Variants in DNAH12 observed in about 807,000 individuals in gnomAD.
DNAH12 encodes the protein axonemal beta dynein heavy chain 12.
DNAH12 carries 285 observed loss-of-function variants against 371.5 expected under a neutral mutation model. That is an observed-to-expected ratio of 0.77 (90% CI 0.70 to 0.85). The LOEUF is 0.85. DNAH12 is among the 40% of genes least tolerant of loss of function. DNAH12 has a pLI of 0.00. For synonymous variants in DNAH12, 1,200 were observed against 1,213.0 expected, an observed-to-expected ratio of 0.99 and a Z score of 0.22; for missense variants, 3,611 against 3,689.4, an observed-to-expected ratio of 0.98 and a Z score of 0.55.
At chr3:57,551,792 A>C in the DNAH12 span, among the ~76,000 whole-genome samples, 5 of 152,116 alleles carry the variant, frequency 3.3e-5, no homozygotes, top group Non-Finnish European at 5.9e-5. Context: ...TATCATATGA[A>C]ACAAGACATC....
chr3:57,551,421 A>G, the DNAH12 span, among the ~76,000 whole-genome samples: 19 of 151,318 alleles, frequency 1.3e-4, no homozygotes, highest in East Asian at 7.8e-4. Context: ...ACAGGCACCC[A>G]CGACCACGCC....
chr3:57,401,740 C>A, intron 43 of DNAH12, among the ~76,000 whole-genome samples: 3 of 149,090 alleles, frequency 2.0e-5, no homozygotes, highest in African/African-American at 4.9e-5. Flanking sequence ...AATAGAAGAT[C>A]AATACAAAAA....
rs758146112 is a variant in DNAH12 at position 57,293,755 on chromosome 3, T to C, written c.*26A>G. On this transcript the variant is annotated 3_prime_UTR_variant, in exon 74 of 74. Coordinates refer to ENST00000495027, the MANE Select transcript of DNAH12 (RefSeq NM_001366028.2). ...GACAGGTTTTTTTTTTTTTAAACTT[T>C]TGGATGTTTTATAAATTTGTCCAAT... 6.5e-7 allele frequency: 1 copy of C among 1,538,872 alleles called. No individual in the cohort carries two copies. The highest frequency in any genetic ancestry group is 8.7e-7 in the Non-Finnish European group (1 of 1,143,276).
At chr3:57,482,696 G>A (rs1410511379) in intron 13 of DNAH12, among the ~76,000 whole-genome samples, 1 of 151,982 alleles carries the variant, frequency 6.6e-6, no homozygotes, top group East Asian at 1.9e-4. Context: ...TGATAGACTG[G>A]ATTAAGAAAA....
Position 57,377,019 on chromosome 3 carries a change from G to A in DNAH12, c.8427C>T (p.Ala2809=), listed in dbSNP as rs1338269754. 4.6e-5 allele frequency: 7 copies of A among 152,138 alleles called. No individual in the cohort carries two copies. The East Asian group carries it at 1.3e-3, about 29-fold the overall frequency. 9.4% of individuals were successfully genotyped at this position (152,138 alleles called of 1,614,324 possible). A position where few individuals can be genotyped will look rare whatever the true frequency, so the allele number is the denominator to read the frequency against. The change falls in exon 53 of 74, where the codon GCC becomes GCT. Residue 2809 remains alanine, a synonymous_variant. Transcript: ENST00000495027. The stretch of plus-strand genomic sequence containing the variant: ...CACCCAGTCCTCCAATTAATTGTGA[G>A]GCTCTTTCAAGCTTCTTAGCACAGA... The part of the protein sequence containing the change: ...VELCAKKLER[A]SQLIGGLGGE...
intron 60 of DNAH12, among the ~76,000 whole-genome samples, chr3:57,350,057 T>C (rs2062634304): frequency 6.6e-6 from 1 of 152,208 alleles, no homozygotes; most frequent in African/African-American, 2.4e-5. Flanking sequence ...ACTTCGTATG[T>C]TCTCACTCAT....
intron 43 of DNAH12, among the ~76,000 whole-genome samples, chr3:57,402,754 A>G (rs1553679385): frequency 6.6e-6 from 1 of 152,208 alleles, no homozygotes; most frequent in African/African-American, 2.4e-5. Context: ...AAGAAGTTCC[A>G]GTGTTCAATA....
At position 57,438,366 on chromosome 3, in the gene DNAH12, C is replaced by G. The variant is rs550891136; in HGVS notation, c.4546-1306G>C. Among the ~76,000 whole-genome samples the G allele has an allele frequency of 2.0e-5, 3 of 151,948 alleles. No homozygotes were observed. The East Asian group carries it at 5.8e-4, about 29-fold the overall frequency. ...AACAAAACAAAACAAAACATCTTAGCCTGTATAATTATTTTATACACATTG... is the reference window on the plus strand; with the variant it reads ...AACAAAACAAAACAAAACATCTTAGGCTGTATAATTATTTTATACACATTG... On this transcript the variant is annotated intron_variant, in intron 29 of 73. Transcript: ENST00000495027.
chr3:57,471,114 A>G (rs990466956), intron 15 of DNAH12, among the ~76,000 whole-genome samples: 1 of 151,732 alleles, frequency 6.6e-6, no homozygotes, highest in African/African-American at 2.4e-5. Context: ...GAAAGATAAC[A>G]TAGTTCCAGT....
intron 44 of DNAH12, among the ~76,000 whole-genome samples, chr3:57,393,549 C>A (rs1375190998): frequency 1.4e-5 from 2 of 145,908 alleles, no homozygotes; most frequent in Non-Finnish European, 1.5e-5. Flanking sequence ...TGGCGTGAAC[C>A]CGGGAGGCGG....
rs536221607 is a variant in DNAH12, at chr3:57,516,495, A to C, written c.280-5516T>G. On this transcript the variant is annotated intron_variant, in intron 4 of 73. Transcript: ENST00000495027. ...TCTTCCCTCCTCTCTAGATGATCTT[A>C]ATAATAAGTGTCGCCAATTACCCTG... Among the ~76,000 whole-genome samples the C allele has an allele frequency of 7.5e-4, 114 of 152,228 alleles. 2 individuals are homozygous for C. The South Asian group carries it at 0.022, about 30-fold the overall frequency.
At chr3:57,360,080 G>C (rs1235574143) in intron 58 of DNAH12, among the ~76,000 whole-genome samples, 1 of 152,066 alleles carries the variant, frequency 6.6e-6, no homozygotes, top group African/African-American at 2.4e-5. Flanking sequence ...GTCTTAATAG[G>C]AAATAAGCCA....
At position 57,502,362 on chromosome 3, in the gene DNAH12, G is replaced by A. The variant is rs115213778; in HGVS notation, c.1204C>T (p.Arg402Trp). 23 of 1,614,074 alleles carry A rather than the reference G, an allele frequency of 1.4e-5. No homozygotes were observed. The highest frequency in any genetic ancestry group is 3.3e-4 in the Middle Eastern group (2 of 6,062). Residue 402 changes from arginine to tryptophan, a missense_variant, in exon 10 of 74, where the codon CGG (arginine) becomes TGG (tryptophan). Physicochemically the swap from Arg to Trp is moderately radical, Grantham distance 101 (BLOSUM62 -3). Coordinates refer to ENST00000495027, the MANE Select transcript of DNAH12 (RefSeq NM_001366028.2). The stretch of plus-strand genomic sequence containing the variant: ...TGCTTTCTTGCACCTTCTAAGTTCC[G>A]ATGTACTGCTGCCTTCAGTGTATCA... ...AVDTLKAAVH[R>W]NLEGARKHYE...
At chr3:57,323,742 CAT>C in intron 62 of DNAH12, 123 bp from the exon 63 acceptor site, 2 of 995,552 alleles carry the variant, frequency 2.0e-6, no homozygotes, top group Non-Finnish European at 2.8e-6. Context: ...CATATAGCAT[CAT>C]AGACAAAGCA....
At chr3:57,296,511 T>A in intron 71 of DNAH12, 76 bp from the exon 72 acceptor site, 1 of 1,125,942 alleles carries the variant, frequency 8.9e-7, no homozygotes, top group Non-Finnish European at 1.3e-6. Context: ...TAGCGAAATA[T>A]TCAGAACACA....
At chr3:57,472,807 T>A (rs899521132) in intron 13 of DNAH12, 136 bp from the exon 14 acceptor site, 6 of 915,018 alleles carry the variant, frequency 6.6e-6, no homozygotes, top group Non-Finnish European at 9.9e-6. Context: ...ATTTTATATA[T>A]CACCCAAACC....
intron 55 of DNAH12, among the ~76,000 whole-genome samples, chr3:57,372,695 T>C (rs1400738915): frequency 1.3e-5 from 2 of 151,286 alleles, no homozygotes; most frequent in Non-Finnish European, 2.9e-5. Flanking sequence ...ACACTAAAAA[T>C]AGGGAGTGTT....
chr3:57,547,563 A>G (rs1461151246), upstream of DNAH12, among the ~76,000 whole-genome samples: 1 of 152,212 alleles, frequency 6.6e-6, no homozygotes, highest in African/African-American at 2.4e-5. Context: ...TAAAACAAGA[A>G]TACTCATGAA....
intron 36 of DNAH12, among the ~76,000 whole-genome samples, chr3:57,421,098 G>A (rs143142549): frequency 6.6e-6 from 1 of 151,922 alleles, no homozygotes; most frequent in African/African-American, 2.4e-5. Context: ...TGTCAGTCAG[G>A]AGAACTTGAG....
Sources: gnomAD v4.1 joint callset for allele counts (sites outside exome capture counted in the v4.1 genomes callset) on GRCh38, gnomAD v4.1.1 for gene constraint, MANE v1.5 for transcripts, NCBI Gene and HGNC (gene_info 2026-07-23, HGNC 2026-07-21) for gene names.